Variants in LRRK1 observed in about 807,000 individuals in gnomAD.
LRRK1 encodes leucine rich repeat kinase 1, also known as leucine-rich repeat serine/threonine-protein kinase 1.
LRRK1 carries 113 observed loss-of-function variants against 209.1 expected under a neutral mutation model. That is an observed-to-expected ratio of 0.54 (90% confidence interval 0.46 to 0.63). LRRK1 has a LOEUF of 0.63. Ranked by LOEUF, LRRK1 falls within the 30% of genes least tolerant of loss-of-function variation. The pLI is 0.00. For missense variants in LRRK1, 2,284 were observed against 2,632.2 expected (o/e 0.87, Z 2.89); for synonymous variants, 1,144 against 1,099.7 (o/e 1.04, Z -0.80).
intron 2 of LRRK1, among the ~76,000 whole-genome samples, chr15:100,926,216 T>C (rs768498351): frequency 1.1e-4 from 17 of 152,220 alleles, no homozygotes; most frequent in Non-Finnish European, 1.8e-4. Context: ...GACGTGTGTC[T>C]TTTTTCAGTT....
chr15:100,965,705 A>G (rs1193491940), intron 2 of LRRK1, among the ~76,000 whole-genome samples: 1 of 152,178 alleles, frequency 6.6e-6, no homozygotes, highest in Non-Finnish European at 1.5e-5. Flanking sequence ...ACCTGAAAAA[A>G]AAAATCTCCC....
At chr15:100,989,474 T>C in intron 6 of LRRK1, 76 bp downstream of exon 6, 1 of 1,469,030 alleles carries the variant, frequency 6.8e-7, no homozygotes, top group Non-Finnish European at 9.4e-7. Context: ...GACTGGGTAA[T>C]TTATAATAAA....
At chr15:101,008,639 C>G (rs990242144) in intron 6 of LRRK1, among the ~76,000 whole-genome samples, 198 bp from the exon 7 acceptor site, 1 of 152,224 alleles carries the variant, frequency 6.6e-6, no homozygotes, top group African/African-American at 2.4e-5. Flanking sequence ...ACGCAGGTGC[C>G]GATGGGAACA....
intron 2 of LRRK1, among the ~76,000 whole-genome samples, chr15:100,934,529 G>A (rs2042261195): frequency 6.8e-6 from 1 of 147,756 alleles, no homozygotes; most frequent in African/African-American, 2.5e-5. Context: ...GGTAGCTCAT[G>A]CCTGTAATCC....
chr15:100,998,975 G>A (rs80058361), intron 6 of LRRK1, among the ~76,000 whole-genome samples: 130 of 152,338 alleles, frequency 8.5e-4, no homozygotes, highest in African/African-American at 2.8e-3. Flanking sequence ...TTTACGTAGG[G>A]CCTCATAGCT....
At position 101,024,531 on chromosome 15, in the gene LRRK1, C is replaced by T. The variant is rs2033934418; in HGVS notation, c.2068-272C>T. On this transcript the variant is annotated intron_variant, in intron 15 of 33. Coordinates refer to ENST00000388948, the MANE Select transcript of LRRK1 (RefSeq NM_024652.6). This position sits in a 1 kb window ranked among gnomAD's most constrained non-coding sequence, Gnocchi z 4.6. ...ATCCCCTACCCATCTGCAGCCCAGACAGAGCCAGGCCCTCTGAAGTCTGTC... is the reference window on the plus strand; with the variant it reads ...ATCCCCTACCCATCTGCAGCCCAGATAGAGCCAGGCCCTCTGAAGTCTGTC... Among the ~76,000 whole-genome samples, 2 of 152,206 alleles carry T rather than the reference C, an allele frequency of 1.3e-5. No individual in the cohort carries two copies.
chr15:101,002,995 G>T (rs1386018967), intron 6 of LRRK1, among the ~76,000 whole-genome samples: 1 of 152,232 alleles, frequency 6.6e-6, no homozygotes. Context: ...GCCTCCCAAA[G>T]TTCTGGGATT....
In LRRK1 at chr15:101,008,711, C is replaced by T. The variant is rs910286026; in HGVS notation, c.763-126C>T. On this transcript the variant is annotated intron_variant, in intron 6 of 33. Transcript: ENST00000388948. ...GGCGGCCGAGAAGGACATGTGCAGG[C>T]CTCTTGGGACCCGGGCTGGAGCAGG... 4.1e-6 allele frequency: 3 copies of T among 726,624 alleles called. No homozygotes were observed. The Admixed American group carries it at 6.6e-5, about 16-fold the overall frequency. The allele number at this position is 726,624 out of a possible 1,614,324, so 45.0% of individuals were successfully genotyped here. A position where few individuals can be genotyped will look rare whatever the true frequency, so the allele number is the denominator to read the frequency against.
rs561634157 is a variant in LRRK1 at position 101,068,142 on chromosome 15, C to T, written c.5871-529C>T. Among the ~76,000 whole-genome samples the T allele has an allele frequency of 5.9e-5, 9 of 152,322 alleles. No individual in the cohort carries two copies. The East Asian group carries it at 9.6e-4, about 16-fold the overall frequency. On this transcript the variant is annotated intron_variant, in intron 33 of 33. Transcript: ENST00000388948. Reference sequence around the variant, plus strand: ...AAGGAAACCTGTAGCACACACCCACCGATCCTGCAAAACTGTCCACAGTTT... The same window carrying T: ...AAGGAAACCTGTAGCACACACCCACTGATCCTGCAAAACTGTCCACAGTTT...
intron 9 of LRRK1, 26 bp from the exon 10 acceptor site, chr15:101,011,982 A>ATTTTTTTTTTT: frequency 1.3e-6 from 2 of 1,517,482 alleles, no homozygotes; most frequent in Non-Finnish European, 9.0e-7. Flanking sequence ...ACTAATATAC[A>ATTTTTTTTTTT]TTTTTTTTTC....
At chr15:101,058,317 A>G (rs2924846) in intron 29 of LRRK1, among the ~76,000 whole-genome samples, 176 bp downstream of exon 29, 43,339 of 151,956 alleles carry the variant, frequency 0.29, 6,464 homozygotes, top group Middle Eastern at 0.37. Context: ...AGTCCACACA[A>G]AGAGACGTGC....
Position 101,021,825 on chromosome 15 carries a change from G to T in LRRK1, c.1740-20G>T, listed in dbSNP as rs571989724. 1.3e-5 allele frequency: 20 copies of T among 1,485,952 alleles called. No homozygotes were observed. The South Asian group carries it at 2.3e-4, about 17-fold the overall frequency. 92.0% of individuals were successfully genotyped at this position (1,485,952 alleles called of 1,614,324 possible). ...GTGTGTGTGTGTGTATTCTCTCGTGGTGGACACATCTGTCTTCAGCAACCC... is the reference window on the plus strand; with the variant it reads ...GTGTGTGTGTGTGTATTCTCTCGTGTTGGACACATCTGTCTTCAGCAACCC... On this transcript the variant is annotated intron_variant, in intron 13 of 33. Transcript: ENST00000388948.
At position 100,962,823 on chromosome 15, in the gene LRRK1, A is replaced by ATATATATTTTT; in HGVS notation, c.98-10980_98-10979insATATATTTTTT. On this transcript the variant is annotated intron_variant, in intron 2 of 33. Transcript: ENST00000388948. ...TATATATATATATATATATATATAT[A>ATATATATTTTT]TTTTTTTTTTTTTTTTTGAGATGGA... Among the ~76,000 whole-genome samples the ATATATATTTTT allele has an allele frequency of 2.5e-3, 29 of 11,542 alleles. 1 individual carries two copies. The highest frequency in any genetic ancestry group is 6.3e-3 in the African/African-American group (25 of 3,956). 7.6% of individuals were successfully genotyped at this position (11,542 alleles called of 152,430 possible). A position where few individuals can be genotyped will look rare whatever the true frequency, so the allele number is the denominator to read the frequency against.
At chr15:100,981,695 C>G (rs796283955) in intron 3 of LRRK1, among the ~76,000 whole-genome samples, 3 of 152,330 alleles carry the variant, frequency 2.0e-5, no homozygotes, top group African/African-American at 7.2e-5. Context: ...TTTATTTCCT[C>G]TTCCATAACA....
At chr15:100,932,186 A>G (rs2042224853) in intron 2 of LRRK1, among the ~76,000 whole-genome samples, 2 of 152,112 alleles carry the variant, frequency 1.3e-5, no homozygotes, top group South Asian at 4.1e-4. Context: ...GTGTTTCACC[A>G]TGTTGGCCGG....
intron 2 of LRRK1, among the ~76,000 whole-genome samples, chr15:100,956,630 A>G (rs148956284): frequency 1.8e-3 from 277 of 151,196 alleles, no homozygotes; most frequent in African/African-American, 6.2e-3. Context: ...ACGCCTGGCT[A>G]ATTTTTGTGT....
chr15:100,930,152 C>G (rs752121551), intron 2 of LRRK1, among the ~76,000 whole-genome samples: 1 of 152,186 alleles, frequency 6.6e-6, no homozygotes, highest in Non-Finnish European at 1.5e-5. Flanking sequence ...TGCTGTGGGG[C>G]TCTCTTTGCA....
At chr15:101,057,429 A>C (rs1223988231) in intron 28 of LRRK1, among the ~76,000 whole-genome samples, 1 of 152,190 alleles carries the variant, frequency 6.6e-6, no homozygotes, top group Non-Finnish European at 1.5e-5. Context: ...TGTTCAGGCT[A>C]GTTTTTTGAC....
Position 101,022,296 on chromosome 15 carries a change from G to T in LRRK1, c.1853-87G>T. ...ACTGTCCCCACTAAAACACAAAGAA[G>T]GAGTTCCTTCACAACAGGATTTTGT... On this transcript the variant is annotated intron_variant, in intron 14 of 33. Coordinates refer to ENST00000388948, the MANE Select transcript of LRRK1 (RefSeq NM_024652.6). This position sits in a 1 kb window ranked among gnomAD's most constrained non-coding sequence, Gnocchi z 4.0. 7.9e-7 allele frequency: 1 copy of T among 1,269,424 alleles called. No homozygotes were observed. Among genetic ancestry groups the T allele is most frequent in the Middle Eastern group, 2.0e-4 (1 of 5,098 alleles). 78.6% of individuals were successfully genotyped at this position (1,269,424 alleles called of 1,614,324 possible).
Sources: gnomAD v4.1 joint callset for allele counts (sites outside exome capture counted in the v4.1 genomes callset) on GRCh38, gnomAD v4.1.1 for gene constraint, Gnocchi (gnomAD v3.1) non-coding constraint, MANE v1.5 for transcripts, NCBI Gene and HGNC (gene_info 2026-07-23, HGNC 2026-07-21) for gene names.